The following NUDCD2 variants were observed in gnomAD, a reference collection of about 807,000 sequenced individuals.
NUDCD2 encodes the protein nudC domain-containing protein 2.
A neutral mutation model predicts 20.8 loss-of-function variants in NUDCD2; 16 were observed. That is an observed-to-expected ratio of 0.77 (90% CI 0.52 to 1.17). The LOEUF is 1.17. NUDCD2 is among the 50% of genes most tolerant of loss of function. The pLI, the probability that NUDCD2 is intolerant of heterozygous loss-of-function variation, is 0.00. For synonymous variants in NUDCD2, 87 were observed against 72.8 expected (o/e 1.20, Z -1.00); for missense variants, 199 against 193.9 (o/e 1.03, Z -0.16).
rs1023011656 is a variant in NUDCD2 at position 163,448,299 on chromosome 5, C to A, written c.*5668G>T. The A allele has an allele frequency of 6.6e-6, 1 of 151,290 alleles. No individual in the cohort carries two copies. Among genetic ancestry groups the A allele is most frequent in the East Asian group, 1.9e-4 (1 of 5,166 alleles). The allele number at this position is 151,290 out of a possible 1,614,324, so 9.4% of individuals were successfully genotyped here. On this transcript the variant is annotated 3_prime_UTR_variant, in exon 4 of 4. Coordinates refer to ENST00000302764, the MANE Select transcript of NUDCD2 (RefSeq NM_145266.6). The stretch of plus-strand genomic sequence containing the variant: ...TGAAAAGAGCAGTAAAATTGATAAA[C>A]CTCTGGCAAAATTGACAAAAAAAGA...
At chr5:163,459,808 G>C in intron 1 of NUDCD2, 54 bp downstream of exon 1, 2 of 1,495,034 alleles carry the variant, frequency 1.3e-6, no homozygotes, top group Non-Finnish European at 1.8e-6. Flanking sequence ...AGGGAAACGG[G>C]GCTGGGGGCG....
At position 163,452,213 on chromosome 5, in the gene NUDCD2, T is replaced by C. The variant is rs1431588341; in HGVS notation, c.*1754A>G. ...TTCAATATACATAGATGCAGAAATA[T>C]AGATGTAAAGACATGCATTATATAT... On this transcript the variant is annotated 3_prime_UTR_variant, in exon 4 of 4. Coordinates refer to ENST00000302764, the MANE Select transcript of NUDCD2 (RefSeq NM_145266.6). 6.6e-6 allele frequency: 1 copy of C among 152,180 alleles called. No homozygotes were observed. Among genetic ancestry groups the C allele is most frequent in the East Asian group, 1.9e-4 (1 of 5,192 alleles). The allele number at this position is 152,180 out of a possible 1,614,324, so 9.4% of individuals were successfully genotyped here.
intron 3 of NUDCD2, among the ~76,000 whole-genome samples, chr5:163,455,260 G>A (rs758053809): frequency 7.2e-5 from 11 of 152,186 alleles, no homozygotes; most frequent in Non-Finnish European, 1.6e-4. Context: ...TGTGGGAGAA[G>A]AGCATTGCAG....
rs761634543 is a variant in NUDCD2, at chr5:163,456,950, T to C, written c.369A>G (p.Thr123=). The change falls in exon 3 of 4, where the codon ACA becomes ACG. Residue 123 remains threonine, a synonymous_variant. Coordinates refer to ENST00000302764, the MANE Select transcript of NUDCD2 (RefSeq NM_145266.6). ...WVQDQMQRKL[T]LERFQKENPG... is the part of the protein sequence containing the mutation. Reference sequence around the variant, plus strand: ...TTACTTCTTTTTGGAATCTCTCTAATGTAAGCTTTCTCTGCATTTGGTCTT... The same window carrying C: ...TTACTTCTTTTTGGAATCTCTCTAACGTAAGCTTTCTCTGCATTTGGTCTT... 29 of 1,610,626 alleles carry C rather than the reference T, an allele frequency of 1.8e-5. No homozygotes were observed. In the Admixed American group the frequency reaches 4.7e-4, roughly 26 times the overall value.
chr5:163,459,979 G>C lies in NUDCD2; in HGVS notation c.72C>G (p.Thr24=), dbSNP rs369580321. 25 of 1,613,446 alleles carry C rather than the reference G, an allele frequency of 1.5e-5. No individual in the cohort carries two copies. Among genetic ancestry groups the C allele is most frequent in the African/African-American group, 4.0e-5 (3 of 74,894 alleles). The change falls in exon 1 of 4, where the codon ACC becomes ACG. Residue 24 remains threonine (T), a synonymous_variant. Coordinates refer to ENST00000302764, the MANE Select transcript of NUDCD2 (RefSeq NM_145266.6). ...CGTPWGQWYQ[T]LEEVFIEVQV... is the part of the protein sequence containing the mutation. ...GAACTTCAATGAACACCTCCTCCAA[G>C]GTCTGGTACCACTGGCCCCACGGGG...
chr5:163,454,584 G>A (rs1013094087), intron 3 of NUDCD2, among the ~76,000 whole-genome samples: 4 of 152,120 alleles, frequency 2.6e-5, no homozygotes, highest in Non-Finnish European at 5.9e-5. Context: ...CCGGTGATCC[G>A]CCTGCCTCAG....
At chr5:163,455,083 T>C (rs934040880) in intron 3 of NUDCD2, among the ~76,000 whole-genome samples, 34 of 151,960 alleles carry the variant, frequency 2.2e-4, no homozygotes, top group Admixed American at 1.6e-3. Flanking sequence ...TGGGCCAAAT[T>C]TGGCCCAAGG....
At chr5:163,458,599 T>TA (rs112589403) in intron 1 of NUDCD2, among the ~76,000 whole-genome samples, 1,530 of 150,604 alleles carry the variant, frequency 0.01, 27 homozygotes, top group African/African-American at 0.03. Flanking sequence ...TAAATATATA[T>TA]TTTTTTTTAA....
In NUDCD2 at chr5:163,449,960, A is replaced by C. The variant is rs1758137559; in HGVS notation, c.*4007T>G. On this transcript the variant is annotated 3_prime_UTR_variant, in exon 4 of 4. Transcript: ENST00000302764. Reference sequence around the variant, plus strand: ...ACTAAATTTATAAAATTTTTAGAAGAAAAAAATCCATAGGCCGGGCACGGT... The same window carrying C: ...ACTAAATTTATAAAATTTTTAGAAGCAAAAAATCCATAGGCCGGGCACGGT... The C allele has an allele frequency of 6.6e-6, 1 of 152,198 alleles. No individual in the cohort carries two copies. The highest frequency in any genetic ancestry group is 1.5e-5 in the Non-Finnish European group (1 of 68,034). 9.4% of individuals were successfully genotyped at this position (152,198 alleles called of 1,614,324 possible).
At chr5:163,456,047 A>G (rs760466006) in intron 3 of NUDCD2, among the ~76,000 whole-genome samples, 27 of 152,208 alleles carry the variant, frequency 1.8e-4, no homozygotes, top group Non-Finnish European at 3.8e-4. Context: ...GCTACAGGTA[A>G]AAACAAATAT....
intron 3 of NUDCD2, 73 bp from the exon 4 acceptor site, chr5:163,454,123 T>TA (rs1272747671): frequency 1.5e-6 from 1 of 675,786 alleles, no homozygotes; most frequent in Non-Finnish European, 2.4e-6. Context: ...TGGCAATTGA[T>TA]AAAAAAGGAT....
In NUDCD2 at chr5:163,451,519, T is replaced by A. The variant is rs776141509; in HGVS notation, c.*2448A>T. 1 of 152,152 alleles carries A rather than the reference T, an allele frequency of 6.6e-6. No homozygotes were observed. Among genetic ancestry groups the A allele is most frequent in the Non-Finnish European group, 1.5e-5 (1 of 68,016 alleles). The allele number at this position is 152,152 out of a possible 1,614,324, so 9.4% of individuals were successfully genotyped here. A position where few individuals can be genotyped will look rare whatever the true frequency, so the allele number is the denominator to read the frequency against. On this transcript the variant is annotated 3_prime_UTR_variant, in exon 4 of 4. Coordinates refer to ENST00000302764, the MANE Select transcript of NUDCD2 (RefSeq NM_145266.6). ...CCAAACCATACACCAAAAAAGTTAA[T>A]TTTACTTTACTCAAAAAATTTTGTT...
intron 1 of NUDCD2, 47 bp downstream of exon 1, chr5:163,459,815 G>A (rs1561631560): frequency 6.6e-7 from 1 of 1,520,064 alleles, no homozygotes. Context: ...CGGGGCTGGG[G>A]GCGTCTGGGA....
Position 163,453,922 on chromosome 5 carries a change from TTGGC to T in NUDCD2, c.*41_*44del. The T allele has an allele frequency of 9.4e-7, 1 of 1,059,704 alleles. No individual in the cohort carries two copies. The highest frequency in any genetic ancestry group is 1.4e-6 in the Non-Finnish European group (1 of 734,038). The allele number at this position is 1,059,704 out of a possible 1,614,324, so 65.6% of individuals were successfully genotyped here. On this transcript the variant is annotated 3_prime_UTR_variant, in exon 4 of 4. Transcript: ENST00000302764. Reference sequence around the variant, plus strand: ...TACATAATCTGTTTATCTGATTAAGTTGGCAATATCTGCTAGGATCCACAGAATG... The same window carrying T: ...TACATAATCTGTTTATCTGATTAAGTAATATCTGCTAGGATCCACAGAATG...
In NUDCD2 at chr5:163,447,525, C is replaced by T. The variant is rs145845483; in HGVS notation, c.*6442G>A. Reference sequence around the variant, plus strand: ...ACAAATCTTCATTTACAGTTGGAAACTTAAACATTCCTCTCTCAGTAGTCC... The same window carrying T: ...ACAAATCTTCATTTACAGTTGGAAATTTAAACATTCCTCTCTCAGTAGTCC... On this transcript the variant is annotated 3_prime_UTR_variant, in exon 4 of 4. Transcript: ENST00000302764. The T allele has an allele frequency of 6.7e-6, 1 of 149,674 alleles. No homozygotes were observed. Among genetic ancestry groups the T allele is most frequent in the African/African-American group, 2.5e-5 (1 of 40,782 alleles). 9.3% of individuals were successfully genotyped at this position (149,674 alleles called of 1,614,324 possible). A position where few individuals can be genotyped will look rare whatever the true frequency, so the allele number is the denominator to read the frequency against.
chr5:163,456,522 A>T (rs1233795398), intron 3 of NUDCD2, among the ~76,000 whole-genome samples: 3 of 152,192 alleles, frequency 2.0e-5, no homozygotes, highest in African/African-American at 7.2e-5. Context: ...GTGATCCTCC[A>T]TTTATGCTAA....
rs1758137063 is a variant in NUDCD2, at chr5:163,449,946, A to C, written c.*4021T>G. The C allele has an allele frequency of 6.6e-6, 1 of 152,204 alleles. No homozygotes were observed. The highest frequency in any genetic ancestry group is 2.1e-4 in the South Asian group (1 of 4,832). 9.4% of individuals were successfully genotyped at this position (152,204 alleles called of 1,614,324 possible). A position where few individuals can be genotyped will look rare whatever the true frequency, so the allele number is the denominator to read the frequency against. ...GATCTAAATGTAGAACTAAATTTAT[A>C]AAATTTTTAGAAGAAAAAAATCCAT... On this transcript the variant is annotated 3_prime_UTR_variant, in exon 4 of 4. Transcript: ENST00000302764.
In NUDCD2 at chr5:163,449,298, G is replaced by A. The variant is rs1424622982; in HGVS notation, c.*4669C>T. The A allele has an allele frequency of 8.5e-6, 1 of 117,602 alleles. No individual in the cohort carries two copies. Among genetic ancestry groups the A allele is most frequent in the African/African-American group, 2.6e-5 (1 of 38,376 alleles). 7.3% of individuals were successfully genotyped at this position (117,602 alleles called of 1,614,324 possible). ...CCCAAAACTAATGAAGTTTAGCAAG[G>A]TCACAGGATACAAGGTCAACAAACA... is the stretch of plus-strand genomic sequence containing the variant. On this transcript the variant is annotated 3_prime_UTR_variant, in exon 4 of 4. Transcript: ENST00000302764.
rs898172997 is a variant in NUDCD2, at chr5:163,450,105, A to C, written c.*3862T>G. On this transcript the variant is annotated 3_prime_UTR_variant, in exon 4 of 4. Coordinates refer to ENST00000302764, the MANE Select transcript of NUDCD2 (RefSeq NM_145266.6). Reference sequence around the variant, plus strand: ...AACTCTACTAAAAATAAAAAATAAAAAAAAAATGGGCTGGGAGTGGTGGTG... The same window carrying C: ...AACTCTACTAAAAATAAAAAATAAACAAAAAATGGGCTGGGAGTGGTGGTG... 5 of 152,142 alleles carry C rather than the reference A, an allele frequency of 3.3e-5. No individual in the cohort carries two copies. The highest frequency in any genetic ancestry group is 3.3e-4 in the Admixed American group (5 of 15,250). The allele number at this position is 152,142 out of a possible 1,614,324, so 9.4% of individuals were successfully genotyped here. A position where few individuals can be genotyped will look rare whatever the true frequency, so the allele number is the denominator to read the frequency against.
Sources: allele counts gnomAD v4.1 joint callset (sites outside exome capture counted in the v4.1 genomes callset), GRCh38; gene constraint gnomAD v4.1.1; transcripts MANE v1.5; gene names NCBI Gene and HGNC (gene_info 2026-07-23, HGNC 2026-07-21).